PPP2CA: variants seen among roughly 807,000 people sequenced by gnomAD.
The protein encoded by PPP2CA is protein phosphatase 2 catalytic subunit alpha, also known as serine/threonine-protein phosphatase 2A catalytic subunit alpha isoform.
PPP2CA carries 5 observed loss-of-function variants against 38.8 expected under a neutral mutation model. That is an observed-to-expected ratio of 0.13 (90% CI 0.07 to 0.27). PPP2CA has a LOEUF of 0.27. PPP2CA is among the 10% of genes least tolerant of loss of function. The pLI, the probability that PPP2CA is intolerant of heterozygous loss-of-function variation, is 1.00. For synonymous variants in PPP2CA, 152 were observed against 134.0 expected (o/e 1.13, Z -0.93); for missense variants, 88 against 389.7 (o/e 0.23, Z 6.52).
In PPP2CA at chr5:134,201,010, T is replaced by C; in HGVS notation, c.551A>G (p.Asp184Gly). The C allele has an allele frequency of 6.2e-7, 1 of 1,612,178 alleles. No homozygotes were observed. ...IDTLDHIRAL[D>G]RLQEVPHEGP... ...CTCATGGGGAACTTCTTGTAGGCGA[T>C]CAAGTGCTCTGATATGATCCAGTGT... Residue 184 changes from aspartate (D) to glycine (G), a missense_variant, in exon 4 of 7, where the codon GAT (aspartate) becomes GGT (glycine). Physicochemically the swap from Asp to Gly is moderately conservative, Grantham distance 94. Transcript: ENST00000481195.
At chr5:134,212,813 G>A (rs375901243) in intron 1 of PPP2CA, among the ~76,000 whole-genome samples, 5 of 152,324 alleles carry the variant, frequency 3.3e-5, no homozygotes, top group Admixed American at 6.5e-5. Flanking sequence ...CAAAGTTTTA[G>A]TGGTCTGGAT....
chr5:134,216,609 T>C (rs893177743), intron 1 of PPP2CA, among the ~76,000 whole-genome samples: 27 of 150,298 alleles, frequency 1.8e-4, no homozygotes, highest in Non-Finnish European at 3.7e-4. Flanking sequence ...CCAAGGTCTA[T>C]ACTGAGGAAA....
intron 1 of PPP2CA, among the ~76,000 whole-genome samples, chr5:134,208,018 T>G (rs1031144400): frequency 2.5e-4 from 38 of 152,210 alleles, no homozygotes; most frequent in African/African-American, 9.1e-4. Flanking sequence ...ACATCTAGTG[T>G]TTTTTTAACA....
At chr5:134,214,458 A>G (rs1345387086) in intron 1 of PPP2CA, among the ~76,000 whole-genome samples, 2 of 152,176 alleles carry the variant, frequency 1.3e-5, no homozygotes, top group Non-Finnish European at 2.9e-5. Flanking sequence ...GCAAAATAGC[A>G]TTAACTTTTT....
chr5:134,225,783 G>A lies in PPP2CA; in HGVS notation c.79C>T (p.Gln27Ter), dbSNP rs1258253751. 1 of 1,610,206 alleles carries A rather than the reference G, an allele frequency of 6.2e-7. No homozygotes were observed. Among genetic ancestry groups the A allele is most frequent in the Non-Finnish European group, 8.5e-7 (1 of 1,179,048 alleles). ...ACCTTCTCGCAGAGGCTCTTGACCTGGGACTCGGACAGCTGCTTGCACTCG... is the reference window on the plus strand; with the variant it reads ...ACCTTCTCGCAGAGGCTCTTGACCTAGGACTCGGACAGCTGCTTGCACTCG... Reference protein sequence around the residue: ...LNECKQLSESQVKSLCEKAKE... With the variant: ...LNECKQLSES The change falls in exon 1 of 7, where the codon CAG (glutamine) becomes TAG (stop). Residue 27 changes from glutamine (Q) to a stop codon, truncating the protein, a stop_gained. Coordinates refer to ENST00000481195, the MANE Select transcript of PPP2CA (RefSeq NM_002715.4). LOFTEE classifies it high-confidence loss of function.
At chr5:134,206,805 C>T (rs1762093385) in intron 1 of PPP2CA, among the ~76,000 whole-genome samples, 1 of 152,196 alleles carries the variant, frequency 6.6e-6, no homozygotes, top group South Asian at 2.1e-4. Flanking sequence ...TGGCTCATAC[C>T]TGTGAGAAAA....
At position 134,209,270 on chromosome 5, in the gene PPP2CA, C is replaced by G. The variant is rs532904132; in HGVS notation, c.103-3139G>C. On this transcript the variant is annotated intron_variant, in intron 1 of 6. Transcript: ENST00000481195. ...ACAGTAGAAGCAACCATCCCTCAGA[C>G]CGGAGGGGGAAAAAAAAAAAATCAT... Among the ~76,000 whole-genome samples, 11 of 60,168 alleles carry G rather than the reference C, an allele frequency of 1.8e-4. No homozygotes were observed. The South Asian group carries it at 5.4e-3, about 30-fold the overall frequency. 39.5% of individuals were successfully genotyped at this position (60,168 alleles called of 152,430 possible). A position where few individuals can be genotyped will look rare whatever the true frequency, so the allele number is the denominator to read the frequency against.
intron 1 of PPP2CA, among the ~76,000 whole-genome samples, chr5:134,223,263 C>T (rs1340671274): frequency 6.6e-6 from 1 of 152,078 alleles, no homozygotes; most frequent in African/African-American, 2.4e-5. Context: ...CACCAAAAAG[C>T]ACATATGTAG....
intron 1 of PPP2CA, among the ~76,000 whole-genome samples, chr5:134,214,920 CACG>C (rs1048563975): frequency 2.6e-5 from 4 of 151,920 alleles, no homozygotes; most frequent in East Asian, 1.9e-4. Flanking sequence ...CCTAAGATTA[CACG>C]ACAACTACTC....
chr5:134,218,572 G>A (rs942173953), intron 1 of PPP2CA, among the ~76,000 whole-genome samples: 1 of 151,884 alleles, frequency 6.6e-6, no homozygotes, highest in East Asian at 1.9e-4. Flanking sequence ...TTAAAAAATT[G>A]TCACAATAAT....
At chr5:134,213,181 C>G (rs942451752) in intron 1 of PPP2CA, among the ~76,000 whole-genome samples, 1 of 152,176 alleles carries the variant, frequency 6.6e-6, no homozygotes, top group Admixed American at 6.5e-5. Context: ...CCCTCAAACC[C>G]TCAACGGACA....
intron 4 of PPP2CA, 96 bp downstream of exon 4, chr5:134,200,889 G>T: frequency 9.5e-7 from 1 of 1,051,522 alleles, no homozygotes; most frequent in South Asian, 1.4e-5. Context: ...TTGTTTTTGA[G>T]AATTATATGA....
At chr5:134,209,736 C>G (rs1446356751) in intron 1 of PPP2CA, among the ~76,000 whole-genome samples, 1 of 151,508 alleles carries the variant, frequency 6.6e-6, no homozygotes, top group African/African-American at 2.4e-5. Flanking sequence ...CAAGATCGCT[C>G]CACTGCACTA....
chr5:134,195,414 A>T lies in PPP2CA; in HGVS notation c.*2358T>A, dbSNP rs1385348927. 1 of 151,954 alleles carries T rather than the reference A, an allele frequency of 6.6e-6. No individual in the cohort carries two copies. Among genetic ancestry groups the T allele is most frequent in the African/African-American group, 2.4e-5 (1 of 41,320 alleles). 9.4% of individuals were successfully genotyped at this position (151,954 alleles called of 1,614,324 possible). A position where few individuals can be genotyped will look rare whatever the true frequency, so the allele number is the denominator to read the frequency against. ...TATGGTATGCCACCAAGCCCGGCTG[A>T]TTTTCATATTTTTTGTAGAGATGGG... On this transcript the variant is annotated 3_prime_UTR_variant, in exon 7 of 7. Transcript: ENST00000481195.
At chr5:134,214,487 A>G (rs2149386880) in intron 1 of PPP2CA, among the ~76,000 whole-genome samples, 1 of 152,360 alleles carries the variant, frequency 6.6e-6, no homozygotes, top group East Asian at 1.9e-4. Flanking sequence ...TATGTACTAT[A>G]AAACTCAATT....
chr5:134,209,188 T>C (rs1762146961), intron 1 of PPP2CA, among the ~76,000 whole-genome samples: 1 of 152,230 alleles, frequency 6.6e-6, no homozygotes, highest in East Asian at 1.9e-4. Context: ...CTTCCCTTCC[T>C]ACCAAACTTC....
chr5:134,208,715 T>G (rs1295863527), intron 1 of PPP2CA, among the ~76,000 whole-genome samples: 1 of 151,366 alleles, frequency 6.6e-6, no homozygotes, highest in African/African-American at 2.5e-5. Context: ...ACACCATCAT[T>G]AAGTCGAAAA....
intron 4 of PPP2CA, 64 bp from the exon 5 acceptor site, chr5:134,200,560 A>G (rs916532626): frequency 1.9e-6 from 3 of 1,551,930 alleles, no homozygotes; most frequent in Non-Finnish European, 2.6e-6. Context: ...TATTTGAGTA[A>G]TTCATCAGAA....
rs1761822888 is a variant in PPP2CA, at chr5:134,195,209, A to AAT, written c.*2561_*2562dup. 6.6e-6 allele frequency: 1 copy of AAT among 152,212 alleles called. No homozygotes were observed. The highest frequency in any genetic ancestry group is 1.5e-5 in the Non-Finnish European group (1 of 68,044). The allele number at this position is 152,212 out of a possible 1,614,324, so 9.4% of individuals were successfully genotyped here. ...GTACAAATTCATTGTAAACTTACAA[A>AAT]ATAAGTTTCAAAATTTCTGCAAGCC... On this transcript the variant is annotated 3_prime_UTR_variant, in exon 7 of 7. Transcript: ENST00000481195.
Sources: gnomAD v4.1 joint callset for allele counts (sites outside exome capture counted in the v4.1 genomes callset) on GRCh38, gnomAD v4.1.1 for gene constraint, MANE v1.5 for transcripts, NCBI Gene and HGNC (gene_info 2026-07-23, HGNC 2026-07-21) for gene names.